The following ACTR1B variants were observed in gnomAD, a reference collection of about 807,000 sequenced individuals.
ACTR1B encodes the protein actin related protein 1B.
In ACTR1B, 34 loss-of-function variants were observed where a neutral mutation model predicts 49.4. That is an observed-to-expected ratio of 0.69 (90% CI 0.52 to 0.92). The LOEUF (loss-of-function observed/expected upper bound fraction) is 0.92. Ranked by LOEUF, ACTR1B falls within the 40% of genes least tolerant of loss-of-function variation. ACTR1B has a pLI of 0.00. For missense variants in ACTR1B, 471 were observed against 522.4 expected (o/e 0.90, Z 0.96); for synonymous variants, 207 against 207.8 (o/e 1.00, Z 0.03).
At chr2:97,660,516 T>C in intron 3 of ACTR1B, 55 bp downstream of exon 3, 3 of 1,561,656 alleles carry the variant, frequency 1.9e-6, no homozygotes, top group South Asian at 2.2e-5. Context: ...ACACATGCCA[T>C]GTTCCTGCAA....
chr2:97,662,658 A>C (rs1675051238), intron 1 of ACTR1B, among the ~76,000 whole-genome samples: 1 of 152,144 alleles, frequency 6.6e-6, no homozygotes, highest in African/African-American at 2.4e-5. Context: ...AAGCTTCTCA[A>C]CTCAGTCCCA....
At chr2:97,657,900 C>T (rs1442088902) in intron 8 of ACTR1B, 43 bp downstream of exon 8, 1 of 1,601,692 alleles carries the variant, frequency 6.2e-7, no homozygotes, top group South Asian at 1.1e-5. Flanking sequence ...GTCCAGCTGC[C>T]CTGGGCCTCG....
Position 97,657,991 on chromosome 2 carries a change from T to C in ACTR1B, c.877A>G (p.Thr293Ala), listed in dbSNP as rs1477622567. The part of the protein sequence containing the change: ...IHKSDMDLRR[T>A]LFANIVLSGG... ...GAGAGCACGATGTTGGCGAACAGCG[T>C]CCGGCGCAGGTCCATGTCGGACTTG... is the stretch of plus-strand genomic sequence containing the variant. The change falls in exon 8 of 11, where the codon ACG becomes GCG. Residue 293 changes from threonine (T) to alanine (A), a missense_variant. By Grantham distance (58) the Thr-to-Ala change is moderately conservative (BLOSUM62 0). Coordinates refer to ENST00000289228, the MANE Select transcript of ACTR1B (RefSeq NM_005735.4). 3 of 1,614,162 alleles carry C rather than the reference T, an allele frequency of 1.9e-6. No homozygotes were observed. In the South Asian group the frequency reaches 3.3e-5, roughly 18 times the overall value.
chr2:97,658,241 C>A lies in ACTR1B; in HGVS notation c.733G>T (p.Asp245Tyr). ...ETEKVQYTLP[D>Y]GSTLDVGPAR... Reference sequence around the variant, plus strand: ...CCACTTACATCAAGCGTGCTGCCGTCTGGCAACGTGTACTGCACCTTCTCC... The same window carrying A: ...CCACTTACATCAAGCGTGCTGCCGTATGGCAACGTGTACTGCACCTTCTCC... The change falls in exon 7 of 11, where the codon GAC (aspartate) becomes TAC (tyrosine). Residue 245 changes from aspartate to tyrosine, a missense_variant. Transcript: ENST00000289228. This position sits in a 1 kb window ranked among gnomAD's most constrained non-coding sequence, Gnocchi z 5.9. 6.2e-7 allele frequency: 1 copy of A among 1,614,192 alleles called. No homozygotes were observed. Among genetic ancestry groups the A allele is most frequent in the Non-Finnish European group, 8.5e-7 (1 of 1,180,046 alleles).
intron 1 of ACTR1B, among the ~76,000 whole-genome samples, chr2:97,662,176 G>A (rs533490340): frequency 6.6e-6 from 1 of 152,302 alleles, no homozygotes; most frequent in African/African-American, 2.4e-5. Flanking sequence ...GACATGCAGT[G>A]GGGGATGCTA....
chr2:97,659,037 G>A lies in ACTR1B; in HGVS notation c.316-34C>T. 3.7e-6 allele frequency: 6 copies of A among 1,613,430 alleles called. No individual in the cohort carries two copies. Among genetic ancestry groups the A allele is most frequent in the Non-Finnish European group, 5.1e-6 (6 of 1,179,734 alleles). ...GACGGGACAGTTGTAGGCATCAGAG[G>A]AGGCAACTTGCAAGGCCCTAAAAGG... is the stretch of plus-strand genomic sequence containing the variant. On this transcript the variant is annotated intron_variant, in intron 4 of 10. Transcript: ENST00000289228. This position sits in a 1 kb window ranked among gnomAD's most constrained non-coding sequence, Gnocchi z 4.0.
rs530938033 is a variant in ACTR1B, at chr2:97,658,168, C to T, written c.751-51G>A. On this transcript the variant is annotated intron_variant, in intron 7 of 10. Transcript: ENST00000289228. The surrounding 1 kb of genome is among the most constrained non-coding windows in gnomAD (Gnocchi z 5.9). ...CAGGCTTCCTGGAGAAGCGGGCTAC[C>T]CCTTCCCCCAGGCTGGGCATCGGCT... The T allele has an allele frequency of 1.9e-6, 3 of 1,613,496 alleles. No individual in the cohort carries two copies. The highest frequency in any genetic ancestry group is 2.2e-5 in the East Asian group (1 of 44,868).
chr2:97,661,750 C>T, intron 2 of ACTR1B, 132 bp downstream of exon 2: 6 of 843,518 alleles, frequency 7.1e-6, no homozygotes, highest in Non-Finnish European at 1.2e-5. Flanking sequence ...TCAAGAGTGT[C>T]AACCTCACAA....
chr2:97,658,908 C>T lies in ACTR1B; in HGVS notation c.411G>A (p.Leu137=). 1 of 1,614,110 alleles carries T rather than the reference C, an allele frequency of 6.2e-7. No homozygotes were observed. The highest frequency in any genetic ancestry group is 8.5e-7 in the Non-Finnish European group (1 of 1,180,008). ...TGAGCACAGCCTGCATGGAGATGAA[C>T]AGGGCCGGCACGTTGAAGGTCTCAA... ...VFFETFNVPA[L]FISMQAVLSL... The change falls in exon 5 of 11, where the codon CTG becomes CTA. Residue 137 remains leucine (L), a synonymous_variant. Transcript: ENST00000289228. This position sits in a 1 kb window ranked among gnomAD's most constrained non-coding sequence, Gnocchi z 5.9.
chr2:97,663,890 T>TGGCCG lies in ACTR1B; in HGVS notation c.-5_-1dup. 8.1e-7 allele frequency: 1 copy of TGGCCG among 1,230,712 alleles called. No individual in the cohort carries two copies. The highest frequency in any genetic ancestry group is 1.0e-6 in the Non-Finnish European group (1 of 957,924). 76.2% of individuals were successfully genotyped at this position (1,230,712 alleles called of 1,614,324 possible). On this transcript the variant is annotated 5_prime_UTR_variant, in exon 1 of 11. Transcript: ENST00000289228. Reference sequence around the variant, plus strand: ...TTGGCGATGATGTCGTAGGACTCCATGGCCGGGCCGCGCCGGCCCTGCCCA... The same window carrying TGGCCG: ...TTGGCGATGATGTCGTAGGACTCCATGGCCGGGCCGGGCCGCGCCGGCCCTGCCCA...
chr2:97,660,761 G>T, intron 2 of ACTR1B, 115 bp from the exon 3 acceptor site: 1 of 1,017,840 alleles, frequency 9.8e-7, no homozygotes, highest in Non-Finnish European at 1.5e-6. Context: ...CAAACACCAG[G>T]ATGTGGCTGG....
chr2:97,658,927 G>A lies in ACTR1B; in HGVS notation c.392C>T (p.Thr131Ile). 6.2e-7 allele frequency: 1 copy of A among 1,614,148 alleles called. No individual in the cohort carries two copies. The highest frequency in any genetic ancestry group is 2.2e-5 in the East Asian group (1 of 44,874). ...GATGAACAGGGCCGGCACGTTGAAG[G>A]TCTCAAAGAACACCTCTGCCGCCTT... ...REKAAEVFFETFNVPALFISM... is the reference protein window; with the variant it reads ...REKAAEVFFEIFNVPALFISM... Residue 131 changes from threonine (T) to isoleucine (I), a missense_variant, in exon 5 of 11, where the codon ACC (threonine) becomes ATC (isoleucine). Thr to Ile is a moderately conservative substitution (Grantham distance 89). Coordinates refer to ENST00000289228, the MANE Select transcript of ACTR1B (RefSeq NM_005735.4). The surrounding 1 kb of genome is among the most constrained non-coding windows in gnomAD (Gnocchi z 5.9).
chr2:97,659,481 G>C lies in ACTR1B; in HGVS notation c.190-4C>G. On this transcript the variant is annotated splice_polypyrimidine_tract_variant and splice_region_variant and intron_variant, in intron 3 of 10. Coordinates refer to ENST00000289228, the MANE Select transcript of ACTR1B (RefSeq NM_005735.4). This position sits in a 1 kb window ranked among gnomAD's most constrained non-coding sequence, Gnocchi z 4.0. ...TGGTCAGCAGCCCCCGGTGCTCCTGGTGGGGTGGGAAGGGAGGTGTGGCAC... is the reference window on the plus strand; with the variant it reads ...TGGTCAGCAGCCCCCGGTGCTCCTGCTGGGGTGGGAAGGGAGGTGTGGCAC... 6.2e-7 allele frequency: 1 copy of C among 1,613,186 alleles called. No homozygotes were observed. The highest frequency in any genetic ancestry group is 8.5e-7 in the Non-Finnish European group (1 of 1,179,916).
intron 2 of ACTR1B, among the ~76,000 whole-genome samples, chr2:97,660,856 A>T (rs1158087934): frequency 6.6e-6 from 1 of 152,192 alleles, no homozygotes; most frequent in Non-Finnish European, 1.5e-5. Flanking sequence ...GTCAGAAGGC[A>T]CGGTCAGCAG....
rs1311923042 is a variant in ACTR1B at position 97,657,057 on chromosome 2, A to T, written c.1028+95T>A. ...TGCATTTCCCTAATTTGGGAGGGAA[A>T]TCCACCCACCTCCACGTGGCCTAGG... On this transcript the variant is annotated intron_variant, in intron 10 of 10. Transcript: ENST00000289228. The T allele has an allele frequency of 3.2e-6, 5 of 1,586,118 alleles. No homozygotes were observed. The African/African-American group carries it at 6.7e-5, about 21-fold the overall frequency.
chr2:97,659,500 G>A lies in ACTR1B; in HGVS notation c.190-23C>T. Reference sequence around the variant, plus strand: ...CTCCTGGTGGGGTGGGAAGGGAGGTGTGGCACCCGGCCCTTGCTCAGCGGC... The same window carrying A: ...CTCCTGGTGGGGTGGGAAGGGAGGTATGGCACCCGGCCCTTGCTCAGCGGC... On this transcript the variant is annotated intron_variant, in intron 3 of 10. Transcript: ENST00000289228. This position sits in a 1 kb window ranked among gnomAD's most constrained non-coding sequence, Gnocchi z 4.0. 6.2e-7 allele frequency: 1 copy of A among 1,611,690 alleles called. No individual in the cohort carries two copies. Among genetic ancestry groups the A allele is most frequent in the Non-Finnish European group, 8.5e-7 (1 of 1,179,796 alleles).
intron 8 of ACTR1B, among the ~76,000 whole-genome samples, 192 bp from the exon 9 acceptor site, chr2:97,657,701 G>A (rs1190716966): frequency 1.3e-5 from 2 of 152,224 alleles, no homozygotes; most frequent in Non-Finnish European, 2.9e-5. Flanking sequence ...CAGAGGCAGC[G>A]TGAGATGAAG....
intron 1 of ACTR1B, among the ~76,000 whole-genome samples, chr2:97,662,404 CTT>C (rs545069324): frequency 7.8e-5 from 11 of 141,320 alleles, no homozygotes; most frequent in Admixed American, 1.4e-4. Context: ...CTGTGTGGGT[CTT>C]TTTTTTTTTT....
At chr2:97,660,097 C>T (rs7562506) in intron 3 of ACTR1B, among the ~76,000 whole-genome samples, 4 of 152,108 alleles carry the variant, frequency 2.6e-5, no homozygotes, top group East Asian at 1.9e-4. Flanking sequence ...CCCAGAACCA[C>T]GCATGCCCCA....
Sources: gnomAD v4.1 joint callset for allele counts (sites outside exome capture counted in the v4.1 genomes callset) on GRCh38, gnomAD v4.1.1 for gene constraint, Gnocchi (gnomAD v3.1) non-coding constraint, MANE v1.5 for transcripts, NCBI Gene and HGNC (gene_info 2026-07-23, HGNC 2026-07-21) for gene names.